The following IL1RAPL2 variants were observed in gnomAD, a reference collection of about 807,000 sequenced individuals.
IL1RAPL2 encodes the protein interleukin 1 receptor accessory protein like 2, also known as X-linked interleukin-1 receptor accessory protein-like 2.
Under a neutral mutation model 44.1 loss-of-function variants are expected in IL1RAPL2, and 3 were observed. The observed-to-expected ratio is 0.07, with a 90% CI of 0.03 to 0.18. The LOEUF is 0.18. Ranked by LOEUF, IL1RAPL2 falls within the 10% of genes least tolerant of loss-of-function variation. The pLI is 1.00. For missense variants in IL1RAPL2, 391 were observed against 496.4 expected (o/e 0.79, Z 2.02); for synonymous variants, 181 against 178.8 (o/e 1.01, Z -0.10).
At chrX:104,681,182 A>G (rs1298851144) in intron 2 of IL1RAPL2, among the ~76,000 whole-genome samples, 1 of 112,057 alleles carries the variant, frequency 8.9e-6, no homozygotes, top group Non-Finnish European at 1.9e-5. Flanking sequence ...CACATATAAT[A>G]CTCTCAATAA....
chrX:105,301,601 A>G (rs1438493343), intron 5 of IL1RAPL2, among the ~76,000 whole-genome samples: 6 of 110,735 alleles, frequency 5.4e-5, no homozygotes, highest in African/African-American at 2.0e-4. Context: ...TTAGATCCCA[A>G]CAATAAATGA....
chrX:105,673,886 T>C (rs1218023558), intron 6 of IL1RAPL2, among the ~76,000 whole-genome samples: 1 of 112,166 alleles, frequency 8.9e-6, no homozygotes, highest in African/African-American at 3.2e-5. Context: ...TGATATCTCA[T>C]TGTGGTTTTG....
intron 2 of IL1RAPL2, among the ~76,000 whole-genome samples, chrX:104,709,454 C>T (rs1931416606): frequency 9.1e-6 from 1 of 110,376 alleles, no homozygotes; most frequent in Non-Finnish European, 1.9e-5. Flanking sequence ...CGAGTACTTT[C>T]TATATGTTAC....
chrX:105,257,683 T>G (rs929119020), intron 4 of IL1RAPL2, among the ~76,000 whole-genome samples: 1 of 112,460 alleles, frequency 8.9e-6, no homozygotes, highest in African/African-American at 3.2e-5. Context: ...CATCATTATG[T>G]AATACCCTTT....
chrX:105,755,605 A>G (rs1171968966), intron 10 of IL1RAPL2, among the ~76,000 whole-genome samples: 1 of 111,697 alleles, frequency 9.0e-6, no homozygotes, highest in Non-Finnish European at 1.9e-5. Flanking sequence ...AGTATCCTGA[A>G]AAGCATTATG....
chrX:105,109,530 TA>T (rs1036503833), intron 2 of IL1RAPL2, among the ~76,000 whole-genome samples: 2 of 111,431 alleles, frequency 1.8e-5, no homozygotes, highest in Non-Finnish European at 3.8e-5. Flanking sequence ...TTCCATTTAA[TA>T]AAAAAAAGTC....
At chrX:104,747,885 T>C (rs5917136) in intron 2 of IL1RAPL2, among the ~76,000 whole-genome samples, 37,490 of 110,779 alleles carry the variant, frequency 0.34, 5,501 homozygotes, top group East Asian at 0.46. Context: ...GAGTGCAAAC[T>C]TCAGCAGGCC....
chrX:105,181,059 G>T (rs1285619481), intron 2 of IL1RAPL2, among the ~76,000 whole-genome samples: 2 of 111,519 alleles, frequency 1.8e-5, no homozygotes, highest in African/African-American at 6.5e-5. Flanking sequence ...ATTTAGTCTT[G>T]GTAGCTTGTA....
intron 2 of IL1RAPL2, among the ~76,000 whole-genome samples, chrX:104,705,943 A>T (rs1271206592): frequency 8.9e-6 from 1 of 112,261 alleles, no homozygotes; most frequent in Non-Finnish European, 1.9e-5. Flanking sequence ...TGCTCAACAG[A>T]TGTTTATTAA....
intron 1 of IL1RAPL2, among the ~76,000 whole-genome samples, chrX:104,572,404 C>A (rs1448380019): frequency 3.6e-5 from 4 of 111,780 alleles, no homozygotes; most frequent in Non-Finnish European, 5.6e-5. Context: ...CACCATTATC[C>A]AGTTATAACC....
At chrX:105,168,871 C>T (rs920557508) in intron 2 of IL1RAPL2, among the ~76,000 whole-genome samples, 2 of 110,495 alleles carry the variant, frequency 1.8e-5, no homozygotes, top group African/African-American at 6.6e-5. Flanking sequence ...CTCATAGACA[C>T]GCCAGAATAA....
chrX:105,424,317 G>A lies in IL1RAPL2; in HGVS notation c.698-59996G>A, dbSNP rs191963479. ...GGCAGGACAACTCAAAGTGGAGAAT[G>A]GTCTTCCAGGTCATAGGTAGATAAG... On this transcript the variant is annotated intron_variant, in intron 5 of 10. Coordinates refer to ENST00000372582, the MANE Select transcript of IL1RAPL2 (RefSeq NM_017416.2). 4.1e-4 allele frequency among the ~76,000 whole-genome samples: 45 copies of A among 110,915 alleles called. 1 individual carries two copies. Among genetic ancestry groups the A allele is most frequent in the African/African-American group, 1.5e-3 (45 of 30,473 alleles).
chrX:104,730,415 T>A (rs1353077152), intron 2 of IL1RAPL2, among the ~76,000 whole-genome samples: 1 of 80,618 alleles, frequency 1.2e-5, no homozygotes, highest in Non-Finnish European at 2.4e-5. Context: ...ATGTTCCCCT[T>A]CCTGTGTCCA....
At chrX:105,721,416 CA>C (rs113785568) in intron 7 of IL1RAPL2, among the ~76,000 whole-genome samples, 7 of 103,100 alleles carry the variant, frequency 6.8e-5, no homozygotes, top group South Asian at 8.7e-4. Flanking sequence ...AACTCCATCT[CA>C]AAAAAAAAAA....
At chrX:104,822,103 T>C (rs1474193533) in intron 2 of IL1RAPL2, among the ~76,000 whole-genome samples, 2 of 111,331 alleles carry the variant, frequency 1.8e-5, no homozygotes, top group African/African-American at 3.3e-5. Context: ...TTTTTTGTTG[T>C]TGTTGTTGTT....
chrX:104,669,946 T>C (rs145255167), intron 2 of IL1RAPL2, among the ~76,000 whole-genome samples: 1 of 112,039 alleles, frequency 8.9e-6, no homozygotes, highest in East Asian at 2.8e-4. Context: ...ACTGCAAGTT[T>C]CCATATTCAG....
At chrX:105,055,799 G>A (rs2031984419) in intron 2 of IL1RAPL2, among the ~76,000 whole-genome samples, 1 of 41 alleles carries the variant, frequency 0.024, no homozygotes, top group Admixed American at 0.17. Flanking sequence ...ATCACTCTGG[G>A]TTTTTTCCTG....
intron 2 of IL1RAPL2, among the ~76,000 whole-genome samples, chrX:104,846,513 A>G (rs1023831982): frequency 9.0e-6 from 1 of 111,453 alleles, no homozygotes; most frequent in African/African-American, 3.3e-5. Context: ...ATGTCCCTAC[A>G]AAGGACATGA....
intron 1 of IL1RAPL2, among the ~76,000 whole-genome samples, chrX:104,640,239 A>C (rs1416439434): frequency 9.0e-6 from 1 of 111,549 alleles, no homozygotes; most frequent in Non-Finnish European, 1.9e-5. Flanking sequence ...CAACTTCTGA[A>C]ATTCTTTCTG....
Sources: gnomAD v4.1 joint callset for allele counts (sites outside exome capture counted in the v4.1 genomes callset) on GRCh38, gnomAD v4.1.1 for gene constraint, MANE v1.5 for transcripts, NCBI Gene and HGNC (gene_info 2026-07-23, HGNC 2026-07-21) for gene names.